Variants in FSHR observed in about 807,000 individuals in gnomAD.
FSHR encodes follicle-stimulating hormone receptor.
Under a neutral mutation model 52.1 loss-of-function variants are expected in FSHR, and 46 were observed. The observed-to-expected ratio is 0.88, with a 90% CI of 0.70 to 1.13. The LOEUF is 1.13. FSHR is among the 50% of genes most tolerant of loss of function. The pLI, the probability that FSHR is intolerant of heterozygous loss-of-function variation, is 0.00. For synonymous variants in FSHR, 399 were observed against 309.6 expected (o/e 1.29, Z -3.03); for missense variants, 964 against 834.6 (o/e 1.16, Z -1.91).
intron 1 of FSHR, among the ~76,000 whole-genome samples, chr2:49,071,736 G>A (rs559530219): frequency 1.2e-4 from 19 of 152,282 alleles, no homozygotes; most frequent in South Asian, 4.1e-4. Context: ...CTTCTGGTGA[G>A]GGCCTCAGAA....
At chr2:48,990,167 T>A (rs1675703216) in intron 5 of FSHR, among the ~76,000 whole-genome samples, 1 of 152,118 alleles carries the variant, frequency 6.6e-6, no homozygotes, top group South Asian at 2.1e-4. Context: ...CTCTTTAATA[T>A]GAATGTGTTT....
At chr2:49,089,241 A>G (rs1455213383) in intron 1 of FSHR, among the ~76,000 whole-genome samples, 1 of 152,180 alleles carries the variant, frequency 6.6e-6, no homozygotes, top group East Asian at 1.9e-4. Context: ...TCCCTGAAAA[A>G]TTTAATTTCC....
chr2:49,137,416 C>A (rs1384852911), intron 1 of FSHR, among the ~76,000 whole-genome samples: 2 of 152,030 alleles, frequency 1.3e-5, no homozygotes, highest in African/African-American at 4.8e-5. Context: ...GCAATACTCC[C>A]TAAACTAGTC....
At chr2:49,013,523 T>C (rs1225109080) in intron 4 of FSHR, among the ~76,000 whole-genome samples, 1 of 143,534 alleles carries the variant, frequency 7.0e-6, no homozygotes, top group Non-Finnish European at 1.5e-5. Flanking sequence ...TATAAATATA[T>C]ATAAAAATAT....
chr2:48,997,138 G>T, intron 4 of FSHR: 1 of 788,316 alleles, frequency 1.3e-6, no homozygotes, highest in Non-Finnish European at 1.5e-6. Context: ...GGGTTCCAGT[G>T]GTCTCTCTAG....
intron 2 of FSHR, among the ~76,000 whole-genome samples, chr2:49,055,531 C>CAAAAAAAAAAAAA (rs75665223): frequency 3.9e-5 from 2 of 51,142 alleles, no homozygotes; most frequent in Non-Finnish European, 6.9e-5. Context: ...CCAGGAAGCT[C>CAAAAAAAAAAAAA]AAAAAAAAAA....
At chr2:49,045,514 C>T (rs1184093697) in intron 2 of FSHR, among the ~76,000 whole-genome samples, 1 of 152,204 alleles carries the variant, frequency 6.6e-6, no homozygotes, top group East Asian at 1.9e-4. Context: ...GTTGAATCTA[C>T]ATGTCACTAG....
intron 8 of FSHR, among the ~76,000 whole-genome samples, chr2:48,974,064 A>G (rs1674865710): frequency 6.6e-6 from 1 of 152,252 alleles, no homozygotes; most frequent in African/African-American, 2.4e-5. Context: ...AGAAAATTTT[A>G]CAAAAGAGCT....
chr2:49,002,111 A>G (rs1284025244), intron 4 of FSHR, among the ~76,000 whole-genome samples: 1 of 152,110 alleles, frequency 6.6e-6, no homozygotes, highest in African/African-American at 2.4e-5. Flanking sequence ...GGTCTGTAAA[A>G]TGGATCCACC....
chr2:49,093,751 C>T (rs1045153494), intron 1 of FSHR, among the ~76,000 whole-genome samples: 6 of 152,002 alleles, frequency 3.9e-5, no homozygotes, highest in South Asian at 2.1e-4. Flanking sequence ...TGCACCACCA[C>T]GCCTGGCTAA....
chr2:49,075,171 A>T (rs1669902461), intron 1 of FSHR, among the ~76,000 whole-genome samples: 1 of 152,190 alleles, frequency 6.6e-6, no homozygotes, highest in African/African-American at 2.4e-5. Context: ...GTTGCAAATC[A>T]TAAAGAAGGA....
chr2:49,049,824 A>AATATATAT (rs5831020), intron 2 of FSHR, among the ~76,000 whole-genome samples: 266 of 144,870 alleles, frequency 1.8e-3, no homozygotes, highest in Middle Eastern at 0.014. Flanking sequence ...CCCCTACTCT[A>AATATATAT]ATATATATAT....
chr2:49,018,705 A>G (rs1667586029), intron 3 of FSHR, among the ~76,000 whole-genome samples: 1 of 152,210 alleles, frequency 6.6e-6, no homozygotes. Flanking sequence ...GGGAGGGTGA[A>G]CATCACTTGC....
At chr2:49,061,667 TTATAACTATA>T (rs968248440) in intron 2 of FSHR, among the ~76,000 whole-genome samples, 88 of 141,882 alleles carry the variant, frequency 6.2e-4, no homozygotes, top group Non-Finnish European at 1.1e-3. Context: ...AACTATATAT[TTATAACTATA>T]TATAACTATA....
At chr2:49,030,853 G>GTCCTGCACCTCCTTT (rs1279744458) in intron 2 of FSHR, among the ~76,000 whole-genome samples, 2 of 152,066 alleles carry the variant, frequency 1.3e-5, no homozygotes, top group Non-Finnish European at 2.9e-5. Context: ...GTCTCCTATT[G>GTCCTGCACCTCCTTT]GTCCTGAGAC....
chr2:49,075,715 C>T (rs571166772), intron 1 of FSHR, among the ~76,000 whole-genome samples: 2 of 152,144 alleles, frequency 1.3e-5, no homozygotes, highest in South Asian at 4.2e-4. Flanking sequence ...GCAGCCTTGA[C>T]TTCCTGGGCT....
At chr2:49,022,021 G>A (rs1046878028) in intron 2 of FSHR, among the ~76,000 whole-genome samples, 1 of 150,598 alleles carries the variant, frequency 6.6e-6, no homozygotes, top group Non-Finnish European at 1.5e-5. Flanking sequence ...AGGGGGAAAG[G>A]GATGGAAGAA....
intron 4 of FSHR, among the ~76,000 whole-genome samples, chr2:48,991,530 G>T (rs557221478): frequency 6.6e-6 from 1 of 152,210 alleles, no homozygotes; most frequent in East Asian, 1.9e-4. Flanking sequence ...CCCCACTTAT[G>T]GCTTGCACAT....
chr2:49,093,539 C>A (rs1429536120), intron 1 of FSHR, among the ~76,000 whole-genome samples: 1 of 151,662 alleles, frequency 6.6e-6, no homozygotes, highest in African/African-American at 2.4e-5. Flanking sequence ...CATGGCATGG[C>A]ATAGTCTCTC....
Sources: allele counts gnomAD v4.1 joint callset (sites outside exome capture counted in the v4.1 genomes callset), GRCh38; gene constraint gnomAD v4.1.1; transcripts MANE v1.5; gene names NCBI Gene and HGNC (gene_info 2026-07-23, HGNC 2026-07-21).